The following ZFX variants were observed in gnomAD, a reference collection of about 807,000 sequenced individuals.
ZFX encodes zinc finger protein X-linked.
For synonymous variants in ZFX, 196 were observed against 226.8 expected, an observed-to-expected ratio of 0.86 and a Z score of 1.22; for missense variants, 362 against 628.3, an observed-to-expected ratio of 0.58 and a Z score of 4.53.
At chrX:24,164,147 A>G (rs1463904361) in intron 3 of ZFX, among the ~76,000 whole-genome samples, 1 of 110,615 alleles carries the variant, frequency 9.0e-6, no homozygotes, top group Non-Finnish European at 1.9e-5. Flanking sequence ...GCTCCAGAGA[A>G]TGGTCATGAA....
At chrX:24,151,119 C>G in intron 1 of ZFX, among the ~76,000 whole-genome samples, 1 of 112,329 alleles carries the variant, frequency 8.9e-6, no homozygotes, top group Non-Finnish European at 1.9e-5. Context: ...CATCCCCTAA[C>G]GTACTTTTTT....
In ZFX at chrX:24,210,440, G is replaced by T. The variant is rs1318500916; in HGVS notation, c.1482G>T (p.Gly494=). The T allele has an allele frequency of 1.7e-6, 2 of 1,212,077 alleles. No individual in the cohort carries two copies. Among genetic ancestry groups the T allele is most frequent in the Non-Finnish European group, 2.2e-6 (2 of 895,626 alleles). Reference sequence around the variant, plus strand: ...AGGCCATTGAATGCGATGAGTGTGGGAAGCATTTCTCTCATGCAGGGGCTT... The same window carrying T: ...AGGCCATTGAATGCGATGAGTGTGGTAAGCATTTCTCTCATGCAGGGGCTT... ...AEKAIECDEC[G]KHFSHAGALF... The change falls in exon 10 of 10, where the codon GGG becomes GGT. Residue 494 remains glycine (G), a synonymous_variant. Transcript: ENST00000304543.
At chrX:24,206,549 G>GTA (rs1157401741) in intron 5 of ZFX, among the ~76,000 whole-genome samples, 1 of 56,214 alleles carries the variant, frequency 1.8e-5, no homozygotes, top group Non-Finnish European at 3.2e-5. Context: ...GTGTGTGTGT[G>GTA]TATTTTTTTT....
intron 5 of ZFX, among the ~76,000 whole-genome samples, chrX:24,202,097 C>T (rs1937336424): frequency 1.8e-5 from 2 of 111,966 alleles, no homozygotes; most frequent in South Asian, 7.4e-4. Flanking sequence ...CTAAACCCAG[C>T]ATAGCTACAT....
chrX:24,159,988 A>G (rs1933094112), intron 3 of ZFX, among the ~76,000 whole-genome samples: 1 of 111,687 alleles, frequency 9.0e-6, no homozygotes, highest in Admixed American at 9.5e-5. Flanking sequence ...GCATTATTAT[A>G]AAATACAGAT....
At chrX:24,181,946 A>T (rs2147710961) in intron 5 of ZFX, among the ~76,000 whole-genome samples, 1 of 111,880 alleles carries the variant, frequency 8.9e-6, no homozygotes, top group Non-Finnish European at 1.9e-5. Flanking sequence ...ATATAAGATG[A>T]TCTGAAGTAC....
Position 24,215,864 on chromosome X carries a change from GTT to G in ZFX, c.*4490_*4491del, listed in dbSNP as rs917275896. ...AAAGATTGTGTGTGTGTGTGTGTGTGTTTAATTGGCCCAGGGTTACTTAAATA... is the reference window on the plus strand; with the variant it reads ...AAAGATTGTGTGTGTGTGTGTGTGTGTAATTGGCCCAGGGTTACTTAAATA... On this transcript the variant is annotated 3_prime_UTR_variant, in exon 10 of 10. Coordinates refer to ENST00000304543, the MANE Select transcript of ZFX (RefSeq NM_003410.4). The G allele has an allele frequency of 9.1e-6, 1 of 110,372 alleles. No homozygotes were observed. Among genetic ancestry groups the G allele is most frequent in the Non-Finnish European group, 1.9e-5 (1 of 52,833 alleles). 9.1% of individuals were successfully genotyped at this position (110,372 alleles called of 1,213,427 possible).
intron 5 of ZFX, among the ~76,000 whole-genome samples, chrX:24,188,388 T>TA (rs372331084): frequency 4.6e-5 from 5 of 109,506 alleles, no homozygotes; most frequent in East Asian, 2.8e-4. Flanking sequence ...AGACAAGGAT[T>TA]AAAAAAAAAC....
chrX:24,158,067 T>G (rs1932896395), intron 3 of ZFX, among the ~76,000 whole-genome samples: 1 of 111,808 alleles, frequency 8.9e-6, no homozygotes, highest in Admixed American at 9.5e-5. Flanking sequence ...CCAATTTCTT[T>G]TGCTTCTGTA....
chrX:24,195,580 C>T (rs1181284178), intron 5 of ZFX, among the ~76,000 whole-genome samples: 1 of 111,287 alleles, frequency 9.0e-6, no homozygotes, highest in Admixed American at 9.5e-5. Context: ...GGTCTCGGAT[C>T]TCCTGACCTC....
chrX:24,184,939 G>C (rs1935981844), intron 5 of ZFX, among the ~76,000 whole-genome samples: 1 of 94,892 alleles, frequency 1.1e-5, no homozygotes, highest in African/African-American at 3.9e-5. Flanking sequence ...GCCTTTAGTA[G>C]TATCTTTTGT....
intron 3 of ZFX, among the ~76,000 whole-genome samples, chrX:24,157,236 G>C (rs1246224611): frequency 1.8e-5 from 2 of 112,054 alleles, no homozygotes; most frequent in Non-Finnish European, 3.8e-5. Flanking sequence ...AATTTTTGTT[G>C]TCATTGTGAA....
At chrX:24,184,086 G>A (rs1210438870) in intron 5 of ZFX, among the ~76,000 whole-genome samples, 2 of 111,763 alleles carry the variant, frequency 1.8e-5, no homozygotes, top group Non-Finnish European at 3.8e-5. Flanking sequence ...TTCATGTTTA[G>A]ACTTGGGTCC....
intron 5 of ZFX, among the ~76,000 whole-genome samples, chrX:24,196,578 C>A (rs1041161834): frequency 1.1e-4 from 12 of 111,487 alleles, no homozygotes; most frequent in Admixed American, 6.6e-4. Context: ...TAATTGTCTC[C>A]TTTCCCCCTT....
At chrX:24,197,647 T>C (rs781293786) in intron 5 of ZFX, among the ~76,000 whole-genome samples, 1 of 112,305 alleles carries the variant, frequency 8.9e-6, no homozygotes, top group Non-Finnish European at 1.9e-5. Context: ...GAGATTTTTT[T>C]CCTGAGATAA....
intron 5 of ZFX, among the ~76,000 whole-genome samples, chrX:24,184,725 A>G (rs963894591): frequency 7.2e-5 from 8 of 111,321 alleles, no homozygotes; most frequent in African/African-American, 2.6e-4. Context: ...TATTTTATAT[A>G]TTTTAATATA....
intron 3 of ZFX, among the ~76,000 whole-genome samples, chrX:24,162,387 G>T (rs748407898): frequency 7.6e-4 from 85 of 111,970 alleles, no homozygotes; most frequent in Non-Finnish European, 1.4e-3. Flanking sequence ...TTTTTCAGTT[G>T]ATTCTCTTGT....
At chrX:24,188,872 C>CT (rs1465697936) in intron 5 of ZFX, among the ~76,000 whole-genome samples, 1 of 111,568 alleles carries the variant, frequency 9.0e-6, no homozygotes, top group African/African-American at 3.3e-5. Flanking sequence ...GAGTCTTGCT[C>CT]TGTCACCCAG....
intron 4 of ZFX, 68 bp from the exon 5 acceptor site, chrX:24,179,111 TTAAG>T (rs1935440329): frequency 1.1e-6 from 1 of 924,458 alleles, no homozygotes; most frequent in Non-Finnish European, 1.5e-6. Flanking sequence ...CCAGTAGAAA[TTAAG>T]TAACATTTAC....
Sources: allele counts gnomAD v4.1 joint callset (sites outside exome capture counted in the v4.1 genomes callset), GRCh38; gene constraint gnomAD v4.1.1; transcripts MANE v1.5; gene names NCBI Gene and HGNC (gene_info 2026-07-23, HGNC 2026-07-21).